The following L1CAM variants were observed in gnomAD, a reference collection of about 807,000 sequenced individuals.
The protein encoded by L1CAM is L1 cell adhesion molecule.
A neutral mutation model predicts 93.0 loss-of-function variants in L1CAM; 8 were observed. The observed-to-expected ratio is 0.09, with a 90% confidence interval of 0.05 to 0.16. The LOEUF (loss-of-function observed/expected upper bound fraction) is 0.16, where lower values mean the gene tolerates loss of function less well. Among genes scored for constraint, L1CAM ranks in the 10% least tolerant of loss-of-function variants. The pLI, the probability that L1CAM is intolerant of heterozygous loss-of-function variation, is 1.00. For synonymous variants in L1CAM, 453 were observed against 453.0 expected (o/e 1.00, Z 0.00); for missense variants, 777 against 1,073.4 (o/e 0.72, Z 3.86).
Position 153,875,742 on chromosome X carries a change from G to T in L1CAM, c.76+19C>A. ...CATAGCGGCGAAGGTAGGCGCCCAG[G>T]CTCCCTTCAGCTACTCACATTCCTC... On this transcript the variant is annotated intron_variant, in intron 2 of 28. Transcript: ENST00000370060. 8.4e-7 allele frequency: 1 copy of T among 1,193,139 alleles called. No homozygotes were observed. The highest frequency in any genetic ancestry group is 1.1e-6 in the Non-Finnish European group (1 of 878,579).
In L1CAM at chrX:153,869,582, G is replaced by A. The variant is rs1222808372; in HGVS notation, c.1205C>T (p.Thr402Ile). Residue 402 changes from threonine to isoleucine, a missense_variant, in exon 11 of 29, where the codon ACC (threonine) becomes ATC (isoleucine). Thr to Ile is a moderately conservative substitution (Grantham distance 89). Transcript: ENST00000370060. The stretch of plus-strand genomic sequence containing the variant: ...GTGCCGGTTGCGGGCCTCACATTGG[G>A]TCACCATTGTGTCACTGGGCTGCAC... ...SNVQPSDTMVTQCEARNRHGL... is the reference protein window; with the variant it reads ...SNVQPSDTMVIQCEARNRHGL... 8.3e-7 allele frequency: 1 copy of A among 1,208,907 alleles called. No individual in the cohort carries two copies. Among genetic ancestry groups the A allele is most frequent in the African/African-American group, 1.7e-5 (1 of 57,532 alleles).
At chrX:153,878,902 T>C (rs1370178484) in intron 1 of L1CAM, among the ~76,000 whole-genome samples, 1 of 109,803 alleles carries the variant, frequency 9.1e-6, no homozygotes, top group Non-Finnish European at 1.9e-5. Flanking sequence ...CATATCCAAC[T>C]TCTTTTTTGG....
chrX:153,884,206 A>G, intron 1 of L1CAM: 1 of 998,499 alleles, frequency 1.0e-6, no homozygotes. Context: ...AGCCCGGCCC[A>G]AAGGAGCACT....
At position 153,870,827 on chromosome X, in the gene L1CAM, G is replaced by T; in HGVS notation, c.657C>A (p.Ile219=). 8.3e-7 allele frequency: 1 copy of T among 1,211,397 alleles called. No individual in the cohort carries two copies. Among genetic ancestry groups the T allele is most frequent in the African/African-American group, 1.7e-5 (1 of 57,773 alleles). ...CHAHFPGTRT[I]IQKEPIDLRV... ...GGAGGTCAATGGGTTCCTTCTGAAT[G>T]ATGGTCCTGGTGCCTGGGAAGTGGG... Residue 219 remains isoleucine, a synonymous_variant, in exon 7 of 29, where the codon ATC becomes ATA. Transcript: ENST00000370060.
rs1557090391 is a variant in L1CAM at position 153,865,092 on chromosome X, G to T, written c.2868C>A (p.His956Gln). The T allele has an allele frequency of 8.3e-7, 1 of 1,211,303 alleles. No individual in the cohort carries two copies. The highest frequency in any genetic ancestry group is 1.1e-6 in the Non-Finnish European group (1 of 895,449). ...CTGCTGGGGCGGCGCACGCACGGGG[G>T]TGGTAGGAGAGCACGTAGCCGGTGA... ...GVLTGYVLSY[H>Q]PLDEGGKGQL... Residue 956 changes from histidine to glutamine, a missense_variant, in exon 22 of 29, where the codon CAC becomes CAA. His to Gln is a conservative substitution (Grantham distance 24). This residue lies in a region of L1CAM where 71 missense variants were observed against 77.4 expected (regional missense o/e 0.92). Coordinates refer to ENST00000370060, the MANE Select transcript of L1CAM (RefSeq NM_001278116.2).
At chrX:153,865,845 G>A in intron 19 of L1CAM, 26 bp from the exon 20 acceptor site, 1 of 1,061,150 alleles carries the variant, frequency 9.4e-7, no homozygotes. Context: ...GACTTGGATA[G>A]AGCCATAGGC....
At chrX:153,879,270 G>A (rs2064831143) in intron 1 of L1CAM, among the ~76,000 whole-genome samples, 1 of 111,453 alleles carries the variant, frequency 9.0e-6, no homozygotes, top group Admixed American at 9.5e-5. Context: ...CGCTAACCAC[G>A]ATGGAGATGG....
rs200813995 is a variant in L1CAM, at chrX:153,870,468, C to A, written c.726G>T (p.Leu242=). 52 of 1,210,397 alleles carry A rather than the reference C, an allele frequency of 4.3e-5. No homozygotes were observed. Among genetic ancestry groups the A allele is most frequent in the Non-Finnish European group, 5.5e-5 (49 of 895,005 alleles). ...GGCTGCTGGAGTTGGTGGGGAAGAG[C>A]AGGCGCGGCTTCCTGTCAATCATGC... The part of the protein sequence containing the change: ...TNSMIDRKPR[L]LFPTNSSSHL... Residue 242 remains leucine, a synonymous_variant, in exon 8 of 29, where the codon CTG becomes CTT. Transcript: ENST00000370060.
At position 153,872,201 on chromosome X, in the gene L1CAM, G is replaced by A. The variant is rs782075996; in HGVS notation, c.351C>T (p.Ser117=). The change falls in exon 5 of 29, where the codon AGC becomes AGT. Residue 117 remains serine, a synonymous_variant. Coordinates refer to ENST00000370060, the MANE Select transcript of L1CAM (RefSeq NM_001278116.2). ...RFQGIYRCFA[S]NKLGTAMSHE... ...GGGACATGGCGGTGCCCAGCTTATT[G>A]CTGGCAAAGCAGCGGTAGATGCCCT... is the stretch of plus-strand genomic sequence containing the variant. 223 of 1,207,016 alleles carry A rather than the reference G, an allele frequency of 1.8e-4. No individual in the cohort carries two copies. Among genetic ancestry groups the A allele is most frequent in the Non-Finnish European group, 2.4e-4 (215 of 893,975 alleles).
chrX:153,883,683 C>A (rs1397063229), intron 1 of L1CAM: 6 of 319,009 alleles, frequency 1.9e-5, no homozygotes, highest in Non-Finnish European at 3.2e-5. Context: ...GCAGGGCCCC[C>A]ACTCATGCCC....
At chrX:153,870,625 T>C in intron 7 of L1CAM, 126 bp from the exon 8 acceptor site, 1 of 774,631 alleles carries the variant, frequency 1.3e-6, no homozygotes, top group South Asian at 2.2e-5. Context: ...AAGGAGAGTG[T>C]CCTGTCTCTG....
In L1CAM at chrX:153,870,735, C is replaced by T. The variant is rs782068934; in HGVS notation, c.694+55G>A. The T allele has an allele frequency of 1.2e-3, 1,389 of 1,131,065 alleles. 1 individual carries two copies. The highest frequency in any genetic ancestry group is 1.5e-3 in the Non-Finnish European group (1,234 of 823,784). The allele number at this position is 1,131,065 out of a possible 1,213,427, so 93.2% of individuals were successfully genotyped here. On this transcript the variant is annotated intron_variant, in intron 7 of 28. Coordinates refer to ENST00000370060, the MANE Select transcript of L1CAM (RefSeq NM_001278116.2). ...TCAGATGGACCTATGGTGGGAAGGG[C>T]CATGCCTGAGGGTGAAAGGAGTCAG...
At chrX:153,872,884 C>A in intron 3 of L1CAM, 187 bp from the exon 4 acceptor site, 1 of 468,289 alleles carries the variant, frequency 2.1e-6, no homozygotes. Flanking sequence ...GAGGGGACAG[C>A]CACGTAAGTT....
intron 2 of L1CAM, among the ~76,000 whole-genome samples, chrX:153,875,049 C>T (rs2148501988): frequency 8.9e-6 from 1 of 112,064 alleles, no homozygotes; most frequent in East Asian, 2.8e-4. Flanking sequence ...CAGTCAATCA[C>T]AAGAACACAC....
In L1CAM at chrX:153,864,961, T is replaced by C. The variant is rs782781265; in HGVS notation, c.2906A>G (p.Asn969Ser). Residue 969 changes from asparagine (N) to serine (S), a missense_variant, in exon 23 of 29, where the codon AAC becomes AGC. Asn to Ser is a conservative substitution (Grantham distance 46). Transcript: ENST00000370060. Reference protein sequence around the residue: ...DEGGKGQLSFNLRDPELRTHN... With the variant: ...DEGGKGQLSFSLRDPELRTHN... ...TGTCCGAAGTTCGGGGTCCCGAAGG[T>C]TGAAGGACAGTTGCCCCTTGCCCCC... is the stretch of plus-strand genomic sequence containing the variant. The C allele has an allele frequency of 8.3e-7, 1 of 1,212,029 alleles. No individual in the cohort carries two copies. Among genetic ancestry groups the C allele is most frequent in the Non-Finnish European group, 1.1e-6 (1 of 895,492 alleles).
rs1557091894 is a variant in L1CAM at position 153,868,605 on chromosome X, T to C, written c.1502A>G (p.Asn501Ser). 2.5e-6 allele frequency: 3 copies of C among 1,211,773 alleles called. No homozygotes were observed. Among genetic ancestry groups the C allele is most frequent in the South Asian group, 1.8e-5 (1 of 56,993 alleles). ...DTGRYFCLAA[N>S]DQNNVTIMAN... ...CATGATGGTAACATTGTTTTGGTCA[T>C]TGGCAGCCAGGCAGAAGTAGCGTCC... Residue 501 changes from asparagine (N) to serine (S), a missense_variant, in exon 13 of 29, where the codon AAT (asparagine) becomes AGT (serine). By Grantham distance (46) the Asn-to-Ser change is conservative. Transcript: ENST00000370060.
At position 153,864,026 on chromosome X, in the gene L1CAM, G is replaced by A; in HGVS notation, c.3323-9C>T. 4 of 1,211,776 alleles carry A rather than the reference G, an allele frequency of 3.3e-6. No individual in the cohort carries two copies. Among genetic ancestry groups the A allele is most frequent in the Non-Finnish European group, 4.5e-6 (4 of 895,364 alleles). ...AGGGAGCCTCACGCGGCCTGAGGGT[G>A]AGACACCAGCCCCCCGTGCTGCCGC... is the stretch of plus-strand genomic sequence containing the variant. On this transcript the variant is annotated splice_polypyrimidine_tract_variant and intron_variant, in intron 25 of 28. Transcript: ENST00000370060.
chrX:153,875,502 T>C (rs782379898), intron 2 of L1CAM: 19 of 474,519 alleles, frequency 4.0e-5, no homozygotes, highest in South Asian at 3.5e-4. Context: ...CTGCTCCAGG[T>C]TCGCTGTCCC....
chrX:153,884,136 C>G (rs1557096407), intron 1 of L1CAM: 4 of 819,432 alleles, frequency 4.9e-6, no homozygotes, highest in Admixed American at 3.0e-5. Context: ...AAGTGACACC[C>G]CACGAAGACA....
Sources: gnomAD v4.1 joint callset for allele counts (sites outside exome capture counted in the v4.1 genomes callset) on GRCh38, gnomAD v4.1.1 for gene constraint, gnomAD v4.1.1 regional missense constraint, MANE v1.5 for transcripts, NCBI Gene and HGNC (gene_info 2026-07-23, HGNC 2026-07-21) for gene names.